The following SAMD12 variants were observed in gnomAD, a reference collection of about 807,000 sequenced individuals.
SAMD12 encodes sterile alpha motif domain containing 12.
Under a neutral mutation model 15.0 loss-of-function variants are expected in SAMD12, and 9 were observed. The observed-to-expected ratio is 0.60, with a 90% CI of 0.36 to 1.05. SAMD12 has a LOEUF of 1.05. Among genes scored for constraint, SAMD12 ranks in the 50% least tolerant of loss-of-function variants. SAMD12 has a pLI of 0.01. For synonymous variants in SAMD12, 86 were observed against 90.1 expected (o/e 0.96, Z 0.25); for missense variants, 230 against 234.2 (o/e 0.98, Z 0.12).
chr8:118,498,016 T>A (rs1446925718), intron 2 of SAMD12, among the ~76,000 whole-genome samples: 1 of 151,928 alleles, frequency 6.6e-6, no homozygotes, highest in East Asian at 1.9e-4. Context: ...GTGGAAAGAA[T>A]GAAACAACAC....
chr8:118,259,285 T>C (rs1219706939), intron 4 of SAMD12, among the ~76,000 whole-genome samples: 1 of 152,120 alleles, frequency 6.6e-6, no homozygotes, highest in Admixed American at 6.6e-5. Context: ...TTCCATAGAA[T>C]GGTTAAGATT....
chr8:118,621,786 G>A lies in SAMD12; in HGVS notation c.13+18C>T, dbSNP rs755655515. On this transcript the variant is annotated intron_variant, in intron 1 of 3. Coordinates refer to ENST00000314727, the MANE Select transcript of SAMD12 (RefSeq NM_207506.3). ...GCGGGTTAAGAGGGAGCTTAAAAAT[G>A]CCCCAAGCGTCCCTTACCTTCCACA... The A allele has an allele frequency of 1.2e-6, 2 of 1,613,756 alleles. No homozygotes were observed. The highest frequency in any genetic ancestry group is 8.5e-7 in the Non-Finnish European group (1 of 1,179,690).
At chr8:118,271,228 T>C (rs1813348199) in intron 4 of SAMD12, among the ~76,000 whole-genome samples, 1 of 152,160 alleles carries the variant, frequency 6.6e-6, no homozygotes, top group Admixed American at 6.5e-5. Flanking sequence ...GAAGAAAACA[T>C]GTCCTTCTTC....
intron 1 of SAMD12, 54 bp downstream of exon 1, chr8:118,621,750 C>T: frequency 6.9e-6 from 11 of 1,603,092 alleles, no homozygotes; most frequent in Non-Finnish European, 9.4e-6. Context: ...GGGATGTGTG[C>T]CTTGGGGTGC....
chr8:118,565,657 G>A (rs943010523), intron 2 of SAMD12, among the ~76,000 whole-genome samples: 1 of 152,102 alleles, frequency 6.6e-6, no homozygotes, highest in African/African-American at 2.4e-5. Flanking sequence ...GACATCTCTT[G>A]GCTATAACTA....
intron 2 of SAMD12, among the ~76,000 whole-genome samples, chr8:118,500,258 A>G (rs1824747241): frequency 6.6e-6 from 1 of 150,954 alleles, no homozygotes; most frequent in African/African-American, 2.4e-5. Flanking sequence ...TTGTATTTTT[A>G]GTAGAGACGG....
chr8:118,507,844 A>G (rs995597024), intron 2 of SAMD12, among the ~76,000 whole-genome samples: 4 of 152,040 alleles, frequency 2.6e-5, no homozygotes, highest in African/African-American at 9.7e-5. Context: ...AGGCTTGAGT[A>G]TGTGTGGGTT....
chr8:118,221,591 G>A (rs1024341469), intron 4 of SAMD12, among the ~76,000 whole-genome samples: 4 of 152,134 alleles, frequency 2.6e-5, no homozygotes, highest in African/African-American at 9.7e-5. Flanking sequence ...AGAGAGATGG[G>A]GTTGTAGTGG....
the SAMD12 span, among the ~76,000 whole-genome samples, chr8:118,170,284 A>G: frequency 1.3e-5 from 2 of 152,276 alleles, no homozygotes; most frequent in Admixed American, 6.5e-5. Context: ...ATTAGTTATT[A>G]TTATTACCGT....
the SAMD12 span, among the ~76,000 whole-genome samples, chr8:118,180,549 C>T: frequency 6.7e-6 from 1 of 149,368 alleles, no homozygotes; most frequent in Non-Finnish European, 1.5e-5. Context: ...TTTCTCTCTC[C>T]CTCTCTCTCT....
At chr8:118,338,170 G>A (rs980304969) in intron 4 of SAMD12, among the ~76,000 whole-genome samples, 5 of 152,176 alleles carry the variant, frequency 3.3e-5, no homozygotes, top group Non-Finnish European at 5.9e-5. Context: ...ACAGCTAAGC[G>A]TAATGTATAA....
chr8:118,161,452 T>A, the SAMD12 span, among the ~76,000 whole-genome samples: 24 of 150,956 alleles, frequency 1.6e-4, no homozygotes, highest in African/African-American at 5.8e-4. Context: ...TGGTGGCAAA[T>A]GCCTGAGGGT....
In SAMD12 at chr8:118,214,451, C is replaced by T. The variant is rs1184970413; in HGVS notation, c.434-16719G>A. Among the ~76,000 whole-genome samples, 3 of 151,918 alleles carry T rather than the reference C, an allele frequency of 2.0e-5. No homozygotes were observed. The South Asian group carries it at 6.3e-4, about 32-fold the overall frequency. On this transcript the variant is annotated intron_variant, in intron 4 of 4. Coordinates refer to the SAMD12 transcript ENST00000409003. ...TCATAGTGTGTGCCCTTGGTAGTGT[C>T]ATCTACACCAAAAGAGGCAACACTG...
intron 2 of SAMD12, among the ~76,000 whole-genome samples, chr8:118,546,215 C>G (rs929834269): frequency 6.6e-6 from 1 of 152,116 alleles, no homozygotes; most frequent in Non-Finnish European, 1.5e-5. Flanking sequence ...AGGCAAGGCT[C>G]CTGGACCAAT....
At chr8:118,504,536 A>C (rs1271523644) in intron 2 of SAMD12, among the ~76,000 whole-genome samples, 1 of 152,114 alleles carries the variant, frequency 6.6e-6, no homozygotes, top group Admixed American at 6.5e-5. Context: ...GTGGCCCCCA[A>C]AAGTTATGCC....
rs148467257 is a variant in SAMD12, at chr8:118,513,133, C to T, written c.192+67582G>A. On this transcript the variant is annotated intron_variant, in intron 2 of 3. Coordinates refer to ENST00000314727, the MANE Select transcript of SAMD12 (RefSeq NM_207506.3). ...GTAAATTGTCTTGGCAAAATAAATACTACATAGTTGATGCATTTCAGACAT... is the reference window on the plus strand; with the variant it reads ...GTAAATTGTCTTGGCAAAATAAATATTACATAGTTGATGCATTTCAGACAT... Among the ~76,000 whole-genome samples, 143 of 152,090 alleles carry T rather than the reference C, an allele frequency of 9.4e-4. 1 individual carries two copies. The highest frequency in any genetic ancestry group is 3.3e-3 in the African/African-American group (135 of 41,496).
At chr8:118,183,869 C>T in the SAMD12 span, among the ~76,000 whole-genome samples, 2 of 152,130 alleles carry the variant, frequency 1.3e-5, no homozygotes, top group African/African-American at 2.4e-5. Context: ...CATTATACCA[C>T]TCTGTATGCC....
At chr8:118,553,214 A>G (rs1164461110) in intron 2 of SAMD12, among the ~76,000 whole-genome samples, 2 of 152,146 alleles carry the variant, frequency 1.3e-5, no homozygotes, top group African/African-American at 4.8e-5. Context: ...AAAAAAGCCC[A>G]CATCGCCAAG....
At chr8:118,148,305 C>T in the SAMD12 span, among the ~76,000 whole-genome samples, 1 of 150,928 alleles carries the variant, frequency 6.6e-6, no homozygotes, top group Admixed American at 6.6e-5. Context: ...TTCAAGAGAT[C>T]CTCCTGCCTC....
Sources: allele counts gnomAD v4.1 joint callset (sites outside exome capture counted in the v4.1 genomes callset), GRCh38; gene constraint gnomAD v4.1.1; transcripts MANE v1.5; gene names NCBI Gene and HGNC (gene_info 2026-07-23, HGNC 2026-07-21).